The following VPS53 variants were observed in gnomAD, a reference collection of about 807,000 sequenced individuals.
VPS53 encodes the protein vacuolar protein sorting-associated protein 53 homolog.
In VPS53, 70 loss-of-function variants were observed where a neutral mutation model predicts 107.0. The ratio of observed to expected loss-of-function variants is 0.65; its 90% CI spans 0.54 to 0.80. VPS53 has a LOEUF of 0.80. VPS53 is among the 30% of genes least tolerant of loss of function. The probability of loss-of-function intolerance (pLI) is 0.00; values close to 1 mark genes in which losing one functional copy is unlikely to be tolerated. For missense variants in VPS53, 917 were observed against 1,049.4 expected (o/e 0.87, Z 1.74); for synonymous variants, 409 against 393.3 (o/e 1.04, Z -0.47).
intron 11 of VPS53, among the ~76,000 whole-genome samples, chr17:618,727 C>A (rs78782734): frequency 2.0e-5 from 3 of 150,906 alleles, no homozygotes; most frequent in Non-Finnish European, 4.4e-5. Context: ...TCCTGGGTAG[C>A]TGGGACTACA....
At position 648,786 on chromosome 17, in the gene VPS53, G is replaced by C. The variant is rs866327828; in HGVS notation, c.608+4505C>G. On this transcript the variant is annotated intron_variant, in intron 7 of 21. Transcript: ENST00000437048. ...AACAGGCACTGAAGATCTTACACTG[G>C]AGGACAGAGGAATGGAACAGGTAAT... is the stretch of plus-strand genomic sequence containing the variant. Among the ~76,000 whole-genome samples, 411 of 134,390 alleles carry C rather than the reference G, an allele frequency of 3.1e-3. 1 individual carries two copies. Among genetic ancestry groups the C allele is most frequent in the African/African-American group, 0.011 (389 of 36,326 alleles). The allele number at this position is 134,390 out of a possible 152,430, so 88.2% of individuals were successfully genotyped here. A position where few individuals can be genotyped will look rare whatever the true frequency, so the allele number is the denominator to read the frequency against.
chr17:642,298 C>G (rs926822812), intron 7 of VPS53, among the ~76,000 whole-genome samples: 1 of 151,700 alleles, frequency 6.6e-6, no homozygotes, highest in Admixed American at 6.6e-5. Context: ...TACTTGGCAA[C>G]CGAGGACAAC....
At chr17:587,223 G>A (rs536529256) in intron 12 of VPS53, among the ~76,000 whole-genome samples, 2 of 152,140 alleles carry the variant, frequency 1.3e-5, no homozygotes, top group Admixed American at 1.3e-4. Flanking sequence ...CCACCACACC[G>A]AGCTAATTTT....
At chr17:591,718 G>A (rs1246825009) in intron 12 of VPS53, among the ~76,000 whole-genome samples, 1 of 152,180 alleles carries the variant, frequency 6.6e-6, no homozygotes. Context: ...CAGAGTTCTA[G>A]TTTGATTGCA....
chr17:555,546 G>T (rs1189043831), intron 15 of VPS53, among the ~76,000 whole-genome samples: 2 of 152,082 alleles, frequency 1.3e-5, no homozygotes, highest in Non-Finnish European at 2.9e-5. Flanking sequence ...TGTTGGCCAG[G>T]CTGGTCTCGA....
rs34123743 is a variant in VPS53, at chr17:656,700, A to ATG, written c.373-749_373-748dup. On this transcript the variant is annotated intron_variant, in intron 5 of 21. Transcript: ENST00000437048. ...TTTCTTGGTCCATGCTGACTAAGAA[A>ATG]TGTGTGTGTGTGTGTGTGTGTGTGT... 8.0e-4 allele frequency: 442 copies of ATG among 554,622 alleles called. No homozygotes were observed. The East Asian group carries it at 8.2e-3, about 10-fold the overall frequency. The allele number at this position is 554,622 out of a possible 1,614,324, so 34.4% of individuals were successfully genotyped here.
chr17:580,942 T>C (rs1352333967), intron 13 of VPS53, among the ~76,000 whole-genome samples: 1 of 150,570 alleles, frequency 6.6e-6, no homozygotes, highest in East Asian at 2.0e-4. Context: ...ACCTAATGGG[T>C]ACCCAGAGAA....
At chr17:690,814 G>C (rs1972752255) in intron 4 of VPS53, among the ~76,000 whole-genome samples, 1 of 152,234 alleles carries the variant, frequency 6.6e-6, no homozygotes, top group Non-Finnish European at 1.5e-5. Context: ...TGGAAGAACA[G>C]TGTCTAAAAT....
intron 4 of VPS53, among the ~76,000 whole-genome samples, chr17:677,592 A>G (rs1272020744): frequency 6.6e-6 from 1 of 152,090 alleles, no homozygotes; most frequent in Non-Finnish European, 1.5e-5. Flanking sequence ...TACACTTAAA[A>G]ATGTTAAAAT....
intron 8 of VPS53, among the ~76,000 whole-genome samples, chr17:629,809 CCA>C (rs61004817): frequency 0.15 from 21,044 of 140,508 alleles, 1,799 homozygotes; most frequent in Middle Eastern, 0.3. Context: ...AAAAAAAAAA[CCA>C]CACACACACA....
At chr17:710,145 C>CA (rs200760352) in intron 2 of VPS53, among the ~76,000 whole-genome samples, 1,648 of 152,070 alleles carry the variant, frequency 0.011, 22 homozygotes, top group Non-Finnish European at 0.016. Flanking sequence ...AACTCCGTCT[C>CA]AAAAAAACTA....
chr17:631,043 A>C (rs1204540557), intron 8 of VPS53, among the ~76,000 whole-genome samples: 2 of 152,096 alleles, frequency 1.3e-5, no homozygotes, highest in African/African-American at 2.4e-5. Flanking sequence ...TTGCAGACAC[A>C]ACACAAACAG....
At chr17:543,356 G>A (rs1260262989) in intron 17 of VPS53, among the ~76,000 whole-genome samples, 1 of 152,198 alleles carries the variant, frequency 6.6e-6, no homozygotes, top group Admixed American at 6.5e-5. Context: ...ATGGGTACAT[G>A]TTCACAATCC....
intron 11 of VPS53, among the ~76,000 whole-genome samples, chr17:620,578 GCA>G (rs1208459411): frequency 1.3e-5 from 2 of 152,142 alleles, no homozygotes; most frequent in African/African-American, 4.8e-5. Flanking sequence ...GGCTGATGAA[GCA>G]CAGTGACTGA....
chr17:646,863 T>C (rs567839753), intron 7 of VPS53, among the ~76,000 whole-genome samples: 2 of 150,900 alleles, frequency 1.3e-5, no homozygotes, highest in African/African-American at 2.4e-5. Flanking sequence ...TATCACGGAC[T>C]GGAGATCGGC....
chr17:611,332 A>G (rs892688704), intron 11 of VPS53, among the ~76,000 whole-genome samples: 1 of 152,198 alleles, frequency 6.6e-6, no homozygotes, highest in African/African-American at 2.4e-5. Context: ...ATTTCTTTAA[A>G]GAAGCTGTGC....
At chr17:711,598 G>C (rs1338481777) in intron 1 of VPS53, among the ~76,000 whole-genome samples, 1 of 152,028 alleles carries the variant, frequency 6.6e-6, no homozygotes, top group Non-Finnish European at 1.5e-5. Context: ...CAGAGAGCAG[G>C]ATACAAGAGA....
chr17:669,621 C>T (rs1019984463), intron 4 of VPS53, among the ~76,000 whole-genome samples: 12 of 108,830 alleles, frequency 1.1e-4, no homozygotes, highest in African/African-American at 2.9e-4. Context: ...AGGCCAGGTG[C>T]GATGGCTCAT....
intron 19 of VPS53, among the ~76,000 whole-genome samples, chr17:527,117 T>C (rs1362657938): frequency 2.0e-5 from 3 of 152,218 alleles, no homozygotes; most frequent in East Asian, 1.9e-4. Flanking sequence ...CATCCAGACA[T>C]GTGCACATCC....
Sources: gnomAD v4.1 joint callset for allele counts (sites outside exome capture counted in the v4.1 genomes callset) on GRCh38, gnomAD v4.1.1 for gene constraint, MANE v1.5 for transcripts, NCBI Gene and HGNC (gene_info 2026-07-23, HGNC 2026-07-21) for gene names.